CYTIP: variants seen among roughly 807,000 people sequenced by gnomAD.
CYTIP encodes the protein cytohesin 1 interacting protein.
CYTIP carries 26 observed loss-of-function variants against 43.8 expected under a neutral mutation model. That is an observed-to-expected ratio of 0.59 (90% CI 0.44 to 0.82). The LOEUF (loss-of-function observed/expected upper bound fraction) is 0.82. Ranked by LOEUF, CYTIP falls within the 40% of genes least tolerant of loss-of-function variation. The pLI is 0.00. For synonymous variants in CYTIP, 162 were observed against 162.9 expected, an observed-to-expected ratio of 0.99 and a Z score of 0.04; for missense variants, 426 against 443.1, an observed-to-expected ratio of 0.96 and a Z score of 0.35.
chr2:157,425,443 T>A (rs1165403555), intron 6 of CYTIP, among the ~76,000 whole-genome samples: 1 of 152,164 alleles, frequency 6.6e-6, no homozygotes, highest in Non-Finnish European at 1.5e-5. Context: ...TTTAAAAAAA[T>A]TGATACAAAT....
intron 1 of CYTIP, among the ~76,000 whole-genome samples, chr2:157,437,798 T>C (rs1442670753): frequency 1.3e-5 from 2 of 151,120 alleles, no homozygotes; most frequent in African/African-American, 4.9e-5. Context: ...ATCATTGGGG[T>C]AATGGAAATT....
chr2:157,438,712 G>A (rs908004842), intron 1 of CYTIP, among the ~76,000 whole-genome samples: 3 of 150,594 alleles, frequency 2.0e-5, no homozygotes, highest in Non-Finnish European at 4.4e-5. Flanking sequence ...TTAAATGAAA[G>A]AAAACAGACA....
At chr2:157,425,947 TTA>T (rs1685598796) in intron 6 of CYTIP, among the ~76,000 whole-genome samples, 1 of 151,966 alleles carries the variant, frequency 6.6e-6, no homozygotes, top group Admixed American at 6.5e-5. Flanking sequence ...GAAAAATAAA[TTA>T]GTTTCAATAA....
In CYTIP at chr2:157,416,087, A is replaced by T; in HGVS notation, c.670T>A (p.Phe224Ile). ...GGGCCTGGCCCAGGCAGGGGTCCAA[A>T]CAAAGACAATTCATCCAAGTCCATG... ...ENMDLDELSL[F>I]GPLPGPGPAL... The change falls in exon 8 of 8, where the codon TTT (phenylalanine) becomes ATT (isoleucine). Residue 224 changes from phenylalanine (F) to isoleucine (I), a missense_variant. Phe to Ile is a conservative substitution (Grantham distance 21). Transcript: ENST00000264192. 1 of 1,614,016 alleles carries T rather than the reference A, an allele frequency of 6.2e-7. No individual in the cohort carries two copies.
intron 1 of CYTIP, among the ~76,000 whole-genome samples, chr2:157,436,698 T>C (rs1685810916): frequency 6.6e-6 from 1 of 152,176 alleles, no homozygotes; most frequent in Non-Finnish European, 1.5e-5. Context: ...GAATGTTATT[T>C]GTTTTACTTT....
chr2:157,436,960 T>C (rs992738908), intron 1 of CYTIP, among the ~76,000 whole-genome samples: 1 of 152,088 alleles, frequency 6.6e-6, no homozygotes, highest in Non-Finnish European at 1.5e-5. Flanking sequence ...ATCTTAAATA[T>C]GTAGCAAGAT....
chr2:157,415,513 TTAAGAAGCATA>T lies in CYTIP; in HGVS notation c.*153_*163del, dbSNP rs141946162. On this transcript the variant is annotated 3_prime_UTR_variant, in exon 8 of 8. Coordinates refer to ENST00000264192, the MANE Select transcript of CYTIP (RefSeq NM_004288.5). ...TTGGCTGTTTAGGTTGAAAAATGATTTAAGAAGCATAAACTATAACACAACAATTTAAATAA... is the reference window on the plus strand; with the variant it reads ...TTGGCTGTTTAGGTTGAAAAATGATTAACTATAACACAACAATTTAAATAA... 8.6e-3 allele frequency: 4,978 copies of T among 582,012 alleles called. 93 individuals carry two copies. Among genetic ancestry groups the T allele is most frequent in the African/African-American group, 0.051 (2,746 of 53,546 alleles). 36.1% of individuals were successfully genotyped at this position (582,012 alleles called of 1,614,324 possible). A position where few individuals can be genotyped will look rare whatever the true frequency, so the allele number is the denominator to read the frequency against.
In CYTIP at chr2:157,427,261, G is replaced by A. The variant is rs1685626900; in HGVS notation, c.546+90C>T. ...ATTCACCACGACATTTCTTTTTCAA[G>A]GGCTATCTCAGTTCCTCAAATAGAT... On this transcript the variant is annotated intron_variant, in intron 6 of 7. Coordinates refer to ENST00000264192, the MANE Select transcript of CYTIP (RefSeq NM_004288.5). 4.8e-6 allele frequency: 5 copies of A among 1,041,732 alleles called. No homozygotes were observed. In the South Asian group the frequency reaches 7.7e-5, roughly 16 times the overall value. 64.5% of individuals were successfully genotyped at this position (1,041,732 alleles called of 1,614,324 possible).
intron 6 of CYTIP, among the ~76,000 whole-genome samples, chr2:157,426,679 A>T (rs528540279): frequency 3.9e-5 from 6 of 152,304 alleles, no homozygotes; most frequent in Admixed American, 2.6e-4. Context: ...TGAGACAAAC[A>T]GAGAGGTCTT....
chr2:157,428,508 G>C (rs955977272), intron 5 of CYTIP, among the ~76,000 whole-genome samples: 3 of 152,198 alleles, frequency 2.0e-5, no homozygotes, highest in Non-Finnish European at 4.4e-5. Flanking sequence ...TTGACCTGCT[G>C]AAGCAATAGA....
intron 2 of CYTIP, 81 bp downstream of exon 2, chr2:157,434,617 G>GAA (rs1257119053): frequency 1.9e-6 from 2 of 1,047,694 alleles, no homozygotes; most frequent in Non-Finnish European, 2.9e-6. Context: ...GAGAGAGAGA[G>GAA]GAAGAGAGAG....
In CYTIP at chr2:157,415,625, G is replaced by A. The variant is rs1015078194; in HGVS notation, c.*52C>T. ...TTTCCCACCAAGCTGGGATCTGGGTGAGTCTAGAGATATTTGTGAAATAAG... is the reference window on the plus strand; with the variant it reads ...TTTCCCACCAAGCTGGGATCTGGGTAAGTCTAGAGATATTTGTGAAATAAG... On this transcript the variant is annotated 3_prime_UTR_variant, in exon 8 of 8. Coordinates refer to ENST00000264192, the MANE Select transcript of CYTIP (RefSeq NM_004288.5). 7.9e-7 allele frequency: 1 copy of A among 1,269,286 alleles called. No individual in the cohort carries two copies. Among genetic ancestry groups the A allele is most frequent in the Non-Finnish European group, 1.1e-6 (1 of 899,738 alleles). 78.6% of individuals were successfully genotyped at this position (1,269,286 alleles called of 1,614,324 possible).
At chr2:157,426,517 T>A (rs1163425699) in intron 6 of CYTIP, among the ~76,000 whole-genome samples, 1 of 152,196 alleles carries the variant, frequency 6.6e-6, no homozygotes, top group Admixed American at 6.5e-5. Context: ...GCTCAATAAT[T>A]AATAAGCTCA....
At chr2:157,425,791 C>T (rs1335544071) in intron 6 of CYTIP, among the ~76,000 whole-genome samples, 1 of 152,018 alleles carries the variant, frequency 6.6e-6, no homozygotes, top group East Asian at 1.9e-4. Context: ...AACAAATTAA[C>T]TTTAAATTCA....
At chr2:157,440,972 T>C (rs1392475857) in intron 1 of CYTIP, among the ~76,000 whole-genome samples, 1 of 152,084 alleles carries the variant, frequency 6.6e-6, no homozygotes, top group East Asian at 1.9e-4. Flanking sequence ...TGTTCACAAG[T>C]AGAAGCCATA....
At chr2:157,418,792 G>T (rs995596691) in intron 6 of CYTIP, among the ~76,000 whole-genome samples, 1 of 151,828 alleles carries the variant, frequency 6.6e-6, no homozygotes, top group Non-Finnish European at 1.5e-5. Context: ...AAATAATCTA[G>T]TAGTACCAAC....
rs763807463 is a variant in CYTIP at position 157,415,667 on chromosome 2, C to T, written c.*10G>A. 2.8e-5 allele frequency: 44 copies of T among 1,574,430 alleles called. No homozygotes were observed. In the Middle Eastern group the frequency reaches 6.7e-4, roughly 24 times the overall value. ...TGAAATAAGCTAATTTGAAAGGACA[C>T]CACAATCCGTCAAAAGCGACTTTCT... On this transcript the variant is annotated 3_prime_UTR_variant, in exon 8 of 8. Transcript: ENST00000264192.
chr2:157,439,082 T>C (rs548136587), intron 1 of CYTIP: 1 of 193,902 alleles, frequency 5.2e-6, no homozygotes, highest in South Asian at 7.8e-5. Flanking sequence ...TAGTTAAAGA[T>C]GAAAATATTT....
chr2:157,420,720 T>C (rs2105133428), intron 6 of CYTIP, among the ~76,000 whole-genome samples: 1 of 143,852 alleles, frequency 7.0e-6, no homozygotes, highest in South Asian at 2.2e-4. Flanking sequence ...ACTGTGTAAA[T>C]CTGTGGTTAT....
Sources: allele counts gnomAD v4.1 joint callset (sites outside exome capture counted in the v4.1 genomes callset), GRCh38; gene constraint gnomAD v4.1.1; transcripts MANE v1.5; gene names NCBI Gene and HGNC (gene_info 2026-07-23, HGNC 2026-07-21).